The following ATP8B4 variants were observed in gnomAD, a reference collection of about 807,000 sequenced individuals.
ATP8B4 encodes ATPase phospholipid transporting 8B4 (putative).
ATP8B4 carries 133 observed loss-of-function variants against 145.6 expected under a neutral mutation model. The ratio of observed to expected loss-of-function variants is 0.91; its 90% CI spans 0.79 to 1.05. The LOEUF (loss-of-function observed/expected upper bound fraction) is 1.05. Ranked by LOEUF, ATP8B4 falls within the 50% of genes least tolerant of loss-of-function variation. The pLI, the probability that ATP8B4 is intolerant of heterozygous loss-of-function variation, is 0.00. For missense variants in ATP8B4, 1,458 were observed against 1,425.2 expected, an observed-to-expected ratio of 1.02 and a Z score of -0.37; for synonymous variants, 507 against 492.9, an observed-to-expected ratio of 1.03 and a Z score of -0.38.
chr15:50,074,488 T>A (rs1473590714), intron 2 of ATP8B4, among the ~76,000 whole-genome samples: 1 of 152,222 alleles, frequency 6.6e-6, no homozygotes, highest in African/African-American at 2.4e-5. Flanking sequence ...TTCAAGTGGT[T>A]CCTAAGAGAA....
At chr15:50,042,442 A>G (rs188784128) in intron 5 of ATP8B4, among the ~76,000 whole-genome samples, 2 of 152,128 alleles carry the variant, frequency 1.3e-5, no homozygotes, top group Non-Finnish European at 2.9e-5. Flanking sequence ...ATACTCAACT[A>G]CTCTTAGCAG....
chr15:49,862,518 G>A, intron 26 of ATP8B4, 143 bp from the exon 27 acceptor site: 1 of 937,472 alleles, frequency 1.1e-6, no homozygotes, highest in South Asian at 1.8e-5. Context: ...ATGCAGTGGT[G>A]CGATCTCAGC....
intron 27 of ATP8B4, 35 bp from the exon 28 acceptor site, chr15:49,860,510 T>G (rs1292156867): frequency 6.4e-7 from 1 of 1,559,826 alleles, no homozygotes; most frequent in South Asian, 1.2e-5. Context: ...AGATGATGCA[T>G]CCAAATGATA....
intron 1 of ATP8B4, among the ~76,000 whole-genome samples, chr15:50,127,132 T>A (rs2057313104): frequency 6.6e-6 from 1 of 152,194 alleles, no homozygotes; most frequent in Non-Finnish European, 1.5e-5. Flanking sequence ...TCCCCCTTTT[T>A]AGGTCAAACC....
chr15:49,986,542 G>A (rs1311307506), intron 10 of ATP8B4, among the ~76,000 whole-genome samples: 4 of 152,178 alleles, frequency 2.6e-5, no homozygotes, highest in African/African-American at 7.2e-5. Flanking sequence ...AGAGGAATTG[G>A]GAGAACGTTT....
At chr15:50,000,329 C>T (rs1223202675) in intron 8 of ATP8B4, among the ~76,000 whole-genome samples, 1 of 152,146 alleles carries the variant, frequency 6.6e-6, no homozygotes, top group East Asian at 1.9e-4. Flanking sequence ...TATGAATAAT[C>T]CTGTTTCCCT....
intron 2 of ATP8B4, among the ~76,000 whole-genome samples, chr15:50,088,043 T>C (rs910641655): frequency 2.0e-5 from 3 of 152,106 alleles, no homozygotes; most frequent in African/African-American, 7.2e-5. Flanking sequence ...TTAATATTTT[T>C]ATTATACCTG....
Position 49,920,351 on chromosome 15 carries a change from C to T in ATP8B4, c.1818G>A (p.Lys606=), listed in dbSNP as rs1275650948. 1.9e-6 allele frequency: 3 copies of T among 1,614,228 alleles called. No homozygotes were observed. The highest frequency in any genetic ancestry group is 1.7e-5 in the Admixed American group (1 of 60,026). Residue 606 remains lysine (K), a synonymous_variant, in exon 18 of 28, where the codon AAG becomes AAA. Transcript: ENST00000284509. ...GCATCTTATGCCACTCTTTAAAGTA[C>T]TTGTCATCCAGGTCTCTGTATGCGA... is the stretch of plus-strand genomic sequence containing the variant. ...LAIAYRDLDD[K]YFKEWHKMLE...
At chr15:50,110,759 T>G (rs936575117) in intron 1 of ATP8B4, among the ~76,000 whole-genome samples, 2 of 152,194 alleles carry the variant, frequency 1.3e-5, no homozygotes, top group Non-Finnish European at 2.9e-5. Context: ...TTTCTTCATG[T>G]GAAAATCCTA....
intron 3 of ATP8B4, among the ~76,000 whole-genome samples, chr15:50,068,496 T>C (rs1300802695): frequency 6.6e-6 from 1 of 152,224 alleles, no homozygotes; most frequent in Admixed American, 6.5e-5. Flanking sequence ...TCTTTCTTTC[T>C]AAGCATGTAA....
At chr15:50,151,806 T>C (rs1004667479) in intron 1 of ATP8B4, among the ~76,000 whole-genome samples, 1 of 151,442 alleles carries the variant, frequency 6.6e-6, no homozygotes, top group Admixed American at 6.6e-5. Flanking sequence ...AATAACTATA[T>C]TGCCATAAGA....
chr15:49,937,156 T>C (rs1027635403), intron 14 of ATP8B4, among the ~76,000 whole-genome samples: 4 of 152,220 alleles, frequency 2.6e-5, no homozygotes, highest in South Asian at 2.1e-4. Flanking sequence ...GAAATGTTCC[T>C]AATGTACAGT....
intron 1 of ATP8B4, among the ~76,000 whole-genome samples, chr15:50,144,212 T>A (rs950414032): frequency 6.6e-6 from 1 of 152,134 alleles, no homozygotes; most frequent in Non-Finnish European, 1.5e-5. Flanking sequence ...CATTTCCCAG[T>A]ATGAAAAGCC....
At chr15:50,126,663 G>C (rs1567397739) in intron 1 of ATP8B4, among the ~76,000 whole-genome samples, 1 of 152,144 alleles carries the variant, frequency 6.6e-6, no homozygotes, top group Non-Finnish European at 1.5e-5. Context: ...GGACTAGCTA[G>C]GTGCCTGGAA....
chr15:50,128,829 G>A (rs1191887669), intron 1 of ATP8B4, among the ~76,000 whole-genome samples: 4 of 152,204 alleles, frequency 2.6e-5, no homozygotes, highest in Admixed American at 6.5e-5. Context: ...GGAGGCCAAG[G>A]TGGGCGGAGT....
At chr15:49,950,590 T>TAAAAAAAAAAAAAAAA (rs766902500) in intron 14 of ATP8B4, among the ~76,000 whole-genome samples, 2 of 46,326 alleles carry the variant, frequency 4.3e-5, no homozygotes, top group African/African-American at 5.7e-5. Flanking sequence ...ATGTATTAAC[T>TAAAAAAAAAAAAAAAA]AAAAAAAAAA....
intron 3 of ATP8B4, among the ~76,000 whole-genome samples, chr15:50,053,392 T>C (rs992233157): frequency 6.6e-6 from 1 of 152,210 alleles, no homozygotes; most frequent in African/African-American, 2.4e-5. Flanking sequence ...AAAGCAGTTA[T>C]CTCTTCTGCT....
intron 1 of ATP8B4, among the ~76,000 whole-genome samples, chr15:50,137,758 A>C (rs1294001307): frequency 2.6e-5 from 4 of 152,170 alleles, no homozygotes; most frequent in Non-Finnish European, 5.9e-5. Context: ...AGACATATAC[A>C]GTGTTAGAGC....
intron 6 of ATP8B4, among the ~76,000 whole-genome samples, chr15:50,021,321 C>A (rs1457010436): frequency 1.3e-5 from 2 of 152,200 alleles, no homozygotes; most frequent in African/African-American, 2.4e-5. Context: ...CCAGCGAAAT[C>A]TTTTTATTGT....
Sources: allele counts gnomAD v4.1 joint callset (sites outside exome capture counted in the v4.1 genomes callset), GRCh38; gene constraint gnomAD v4.1.1; transcripts MANE v1.5; gene names NCBI Gene and HGNC (gene_info 2026-07-23, HGNC 2026-07-21).